RSF1: variants seen among roughly 807,000 people sequenced by gnomAD.
RSF1 encodes the protein HBV pX-associated protein 8.
RSF1 carries 13 observed loss-of-function variants against 145.2 expected under a neutral mutation model. The observed-to-expected ratio is 0.09, with a 90% CI of 0.06 to 0.14. The LOEUF is 0.14. Among genes scored for constraint, RSF1 ranks in the 10% least tolerant of loss-of-function variants. RSF1 has a pLI of 1.00. For missense variants in RSF1, 1,517 were observed against 1,718.2 expected (o/e 0.88, Z 2.07); for synonymous variants, 577 against 592.6 (o/e 0.97, Z 0.38).
the RSF1 span, among the ~76,000 whole-genome samples, chr11:77,871,313 T>C: frequency 6.6e-6 from 1 of 152,216 alleles, no homozygotes; most frequent in Non-Finnish European, 1.5e-5. Context: ...TATCTAATAA[T>C]AGCTGTCACT....
the RSF1 span, among the ~76,000 whole-genome samples, chr11:77,863,538 G>A: frequency 6.6e-6 from 1 of 152,184 alleles, no homozygotes; most frequent in Non-Finnish European, 1.5e-5. Flanking sequence ...ACAGGCATGT[G>A]CCACTACGCC....
chr11:77,781,649 T>A (rs1400872817), intron 1 of RSF1, among the ~76,000 whole-genome samples: 1 of 152,210 alleles, frequency 6.6e-6, no homozygotes, highest in Admixed American at 6.5e-5. Context: ...TTTTAAAGAA[T>A]GTTTTTTTCT....
chr11:77,737,023 A>C (rs1438361880), intron 4 of RSF1, among the ~76,000 whole-genome samples: 2 of 152,222 alleles, frequency 1.3e-5, no homozygotes, highest in Admixed American at 1.3e-4. Context: ...AATGCTCCCA[A>C]ATATTTCTGC....
At chr11:77,715,374 T>C (rs1960782911) in intron 5 of RSF1, among the ~76,000 whole-genome samples, 1 of 152,094 alleles carries the variant, frequency 6.6e-6, no homozygotes, top group African/African-American at 2.4e-5. Context: ...ATTTTAGATA[T>C]CATAATGTTG....
chr11:77,761,613 A>C (rs1948172752), intron 2 of RSF1, among the ~76,000 whole-genome samples: 1 of 152,160 alleles, frequency 6.6e-6, no homozygotes, highest in South Asian at 2.1e-4. Flanking sequence ...GGTATTCATT[A>C]TCCATGGTCA....
the RSF1 span, among the ~76,000 whole-genome samples, chr11:77,846,579 G>GC: frequency 6.6e-6 from 1 of 152,186 alleles, no homozygotes; most frequent in Non-Finnish European, 1.5e-5. Flanking sequence ...GGTGGCACAT[G>GC]CCTGTAATCC....
the RSF1 span, among the ~76,000 whole-genome samples, chr11:77,858,610 A>G: frequency 6.6e-6 from 1 of 152,138 alleles, no homozygotes; most frequent in Non-Finnish European, 1.5e-5. Flanking sequence ...AAATCCAGCT[A>G]GTCCTGTCTC....
At chr11:77,796,415 G>A (rs531030528) in intron 1 of RSF1, among the ~76,000 whole-genome samples, 2 of 152,264 alleles carry the variant, frequency 1.3e-5, no homozygotes, top group East Asian at 3.9e-4. Flanking sequence ...AAAATTACAT[G>A]ATTATCTCAA....
At chr11:77,710,282 A>AT (rs1002440972) in intron 5 of RSF1, among the ~76,000 whole-genome samples, 53 of 150,240 alleles carry the variant, frequency 3.5e-4, no homozygotes, top group African/African-American at 4.4e-4. Context: ...TCACAATATA[A>AT]TTTTTTTTTT....
intron 1 of RSF1, among the ~76,000 whole-genome samples, chr11:77,776,031 T>A (rs1214319267): frequency 6.6e-6 from 1 of 152,148 alleles, no homozygotes; most frequent in East Asian, 1.9e-4. Flanking sequence ...GGGCTCAGCC[T>A]TCCAAAGTGC....
At chr11:77,731,622 G>T (rs959327741) in intron 4 of RSF1, among the ~76,000 whole-genome samples, 5 of 152,228 alleles carry the variant, frequency 3.3e-5, no homozygotes, top group Non-Finnish European at 5.9e-5. Flanking sequence ...ATCAGGCCCA[G>T]GGTCCATGTG....
chr11:77,785,925 CAAAAAAAAAAAA>C (rs10661397), intron 1 of RSF1, among the ~76,000 whole-genome samples: 7 of 37,140 alleles, frequency 1.9e-4, no homozygotes, highest in South Asian at 1.8e-3. Context: ...GATTCTGTCT[CAAAAAAAAAAAA>C]AAAAAAAAAA....
intron 1 of RSF1, among the ~76,000 whole-genome samples, chr11:77,782,357 A>G (rs1233509127): frequency 6.6e-6 from 1 of 152,202 alleles, no homozygotes; most frequent in Non-Finnish European, 1.5e-5. Context: ...CCAGGCCAAC[A>G]TGGCAAAACC....
chr11:77,714,051 T>C (rs1230817547), intron 5 of RSF1, among the ~76,000 whole-genome samples: 1 of 152,244 alleles, frequency 6.6e-6, no homozygotes, highest in African/African-American at 2.4e-5. Context: ...GTTATTTTTG[T>C]GAAATACTCA....
intron 1 of RSF1, among the ~76,000 whole-genome samples, chr11:77,772,583 AG>A (rs1375555921): frequency 6.6e-6 from 1 of 152,172 alleles, no homozygotes; most frequent in African/African-American, 2.4e-5. Context: ...TATTACAAAA[AG>A]CACTAGAAAG....
At chr11:77,869,967 C>T in the RSF1 span, 2 of 641,468 alleles carry the variant, frequency 3.1e-6, no homozygotes, top group Admixed American at 5.3e-5. Context: ...ACACATTCCT[C>T]TGCCTCATCA....
At chr11:77,692,519 C>A (rs1276687522) in intron 8 of RSF1, among the ~76,000 whole-genome samples, 1 of 102,878 alleles carries the variant, frequency 9.7e-6, no homozygotes, top group African/African-American at 5.0e-5. Flanking sequence ...GCTGGGATTA[C>A]AGGCGTGAGC....
At chr11:77,824,679 T>C (rs1327204570), upstream of RSF1, among the ~76,000 whole-genome samples, 1 of 152,278 alleles carries the variant, frequency 6.6e-6, no homozygotes, top group Non-Finnish European at 1.5e-5. Flanking sequence ...TCTGTGGCAA[T>C]AGAAATCAAA....
intron 2 of RSF1, among the ~76,000 whole-genome samples, chr11:77,754,665 G>T: frequency 6.6e-6 from 1 of 152,070 alleles, no homozygotes; most frequent in East Asian, 1.9e-4. Flanking sequence ...TGAGGCAGAA[G>T]CCAGGGAGAT....
Sources: gnomAD v4.1 joint callset for allele counts (sites outside exome capture counted in the v4.1 genomes callset) on GRCh38, gnomAD v4.1.1 for gene constraint, MANE v1.5 for transcripts, NCBI Gene and HGNC (gene_info 2026-07-23, HGNC 2026-07-21) for gene names.